The following NFIB variants were observed in gnomAD, a reference collection of about 807,000 sequenced individuals.
NFIB encodes the protein nuclear factor I B, also known as nuclear factor 1 B-type.
In NFIB, 11 loss-of-function variants were observed where a neutral mutation model predicts 61.5. The ratio of observed to expected loss-of-function variants is 0.18; its 90% confidence interval spans 0.11 to 0.30. The LOEUF is 0.30. Ranked by LOEUF, NFIB falls within the 10% of genes least tolerant of loss-of-function variation. NFIB has a pLI of 1.00. For synonymous variants in NFIB, 260 were observed against 216.5 expected, an observed-to-expected ratio of 1.20 and a Z score of -1.76; for missense variants, 471 against 608.9, an observed-to-expected ratio of 0.77 and a Z score of 2.38.
chr9:14,380,304 G>C (rs2061473076), intron 1 of NFIB, among the ~76,000 whole-genome samples: 6 of 152,038 alleles, frequency 3.9e-5, no homozygotes, highest in Admixed American at 3.3e-4. Flanking sequence ...GTGATGAAGG[G>C]GTTTACAAAA....
Position 14,272,175 on chromosome 9 carries a change from A to C in NFIB, c.562+34814T>G, listed in dbSNP as rs532229911. Among the ~76,000 whole-genome samples, 8 of 152,222 alleles carry C rather than the reference A, an allele frequency of 5.3e-5. No individual in the cohort carries two copies. In the South Asian group the frequency reaches 1.7e-3, roughly 32 times the overall value. On this transcript the variant is annotated intron_variant, in intron 2 of 10. Coordinates refer to ENST00000380953, the MANE Select transcript of NFIB (RefSeq NM_001190737.2). The stretch of plus-strand genomic sequence containing the variant: ...CATTATACGTTTTGAACAAACTTAA[A>C]ATAGCTACTAACCTCTTTTTTCCCC...
chr9:14,359,041 T>C (rs911465540), intron 1 of NFIB, among the ~76,000 whole-genome samples: 62 of 152,310 alleles, frequency 4.1e-4, no homozygotes, highest in African/African-American at 1.5e-3. Flanking sequence ...CCCAATTCCA[T>C]GTTCATTGAC....
At chr9:14,370,291 A>G (rs182512543) in intron 1 of NFIB, among the ~76,000 whole-genome samples, 47 of 152,318 alleles carry the variant, frequency 3.1e-4, no homozygotes, top group Middle Eastern at 3.4e-3. Flanking sequence ...TATCAAAGTT[A>G]GTTATTTGTA....
the NFIB span, among the ~76,000 whole-genome samples, chr9:14,507,538 T>C: frequency 1.3e-5 from 2 of 152,340 alleles, no homozygotes; most frequent in South Asian, 4.1e-4. Context: ...TTTAAGGATG[T>C]CCTTAGGTTA....
At chr9:14,327,031 G>C (rs1424825569) in intron 1 of NFIB, among the ~76,000 whole-genome samples, 1 of 152,116 alleles carries the variant, frequency 6.6e-6, no homozygotes, top group Non-Finnish European at 1.5e-5. Flanking sequence ...AAAAAAGCAA[G>C]TGTTTTCTGC....
chr9:14,397,816 A>G (rs184245086), intron 1 of NFIB, among the ~76,000 whole-genome samples: 1 of 152,346 alleles, frequency 6.6e-6, no homozygotes, highest in East Asian at 1.9e-4. Flanking sequence ...TCCATTCAGA[A>G]GGGTACAGAG....
intron 4 of NFIB, among the ~76,000 whole-genome samples, chr9:14,151,474 C>T (rs2042866763): frequency 6.6e-6 from 1 of 151,722 alleles, no homozygotes; most frequent in South Asian, 2.1e-4. Context: ...GTAAAACATT[C>T]ATGCGAAACA....
rs10961456 is a variant in NFIB at position 14,270,026 on chromosome 9, C to G, written c.562+36963G>C. Among the ~76,000 whole-genome samples the G allele has an allele frequency of 6.3e-3, 966 of 152,250 alleles. 47 individuals carry two copies. The East Asian group carries it at 0.11, about 17-fold the overall frequency. ...CAGGTGCTACCTGACCTCCATCCAG[C>G]AAGTTATTCATTTTAACCTATTAAC... On this transcript the variant is annotated intron_variant, in intron 2 of 10. Transcript: ENST00000380953.
At chr9:14,229,496 C>G (rs955646855) in intron 2 of NFIB, among the ~76,000 whole-genome samples, 2 of 152,064 alleles carry the variant, frequency 1.3e-5, no homozygotes, top group African/African-American at 4.8e-5. Context: ...AGGCCTGGCT[C>G]CTAAATATAA....
intron 10 of NFIB, among the ~76,000 whole-genome samples, chr9:14,090,226 C>A (rs1404999943): frequency 1.3e-5 from 2 of 152,062 alleles, no homozygotes; most frequent in East Asian, 3.9e-4. Context: ...GGAATAATCA[C>A]ATTCAAACTA....
chr9:14,256,966 G>A (rs546246340), intron 2 of NFIB, among the ~76,000 whole-genome samples: 2 of 152,276 alleles, frequency 1.3e-5, no homozygotes, highest in Admixed American at 6.5e-5. Flanking sequence ...ACTAAGCAGA[G>A]GTGAGAGCCA....
intron 2 of NFIB, chr9:14,300,262 C>A: frequency 2.5e-6 from 1 of 398,354 alleles, no homozygotes. Flanking sequence ...GGCATGCAGC[C>A]GTAATAACTC....
chr9:14,475,682 G>T, the NFIB span, among the ~76,000 whole-genome samples: 1 of 152,036 alleles, frequency 6.6e-6, no homozygotes, highest in Non-Finnish European at 1.5e-5. Context: ...CTTCCCAAGG[G>T]TATATGTTTC....
At chr9:14,092,705 A>C (rs1483500159) in intron 10 of NFIB, among the ~76,000 whole-genome samples, 1 of 152,104 alleles carries the variant, frequency 6.6e-6, no homozygotes, top group Non-Finnish European at 1.5e-5. Flanking sequence ...TAGCTGGTCT[A>C]AGTGGTCAAA....
the NFIB span, among the ~76,000 whole-genome samples, chr9:14,479,888 G>A: frequency 3.9e-5 from 6 of 152,006 alleles, no homozygotes; most frequent in African/African-American, 1.5e-4. Context: ...AAAGAGATCT[G>A]AAATTAGATA....
the NFIB span, among the ~76,000 whole-genome samples, chr9:14,424,077 C>T: frequency 1.2e-3 from 183 of 152,236 alleles, no homozygotes; most frequent in African/African-American, 4.1e-3. Context: ...TTTTAAGTTC[C>T]AGTCTCTCCA....
intron 2 of NFIB, among the ~76,000 whole-genome samples, chr9:14,206,560 G>C (rs909083185): frequency 1.6e-4 from 24 of 151,808 alleles, no homozygotes; most frequent in Admixed American, 7.2e-4. Flanking sequence ...TCTTCCTTGA[G>C]AGTTTCCAAA....
intron 1 of NFIB, among the ~76,000 whole-genome samples, chr9:14,370,362 C>A (rs1037215786): frequency 1.3e-5 from 2 of 152,152 alleles, no homozygotes; most frequent in African/African-American, 4.8e-5. Flanking sequence ...GTAACCCCAA[C>A]CCCAACACAA....
chr9:14,499,021 T>A, the NFIB span, among the ~76,000 whole-genome samples: 1 of 151,412 alleles, frequency 6.6e-6, no homozygotes. Flanking sequence ...TACGTGCACA[T>A]GTGCACGTGT....
Sources: allele counts gnomAD v4.1 joint callset (sites outside exome capture counted in the v4.1 genomes callset), GRCh38; gene constraint gnomAD v4.1.1; transcripts MANE v1.5; gene names NCBI Gene and HGNC (gene_info 2026-07-23, HGNC 2026-07-21).